LRRTM4: variants seen among roughly 807,000 people sequenced by gnomAD.
LRRTM4 encodes leucine rich repeat transmembrane neuronal 4.
A neutral mutation model predicts 47.6 loss-of-function variants in LRRTM4; 25 were observed. That is an observed-to-expected ratio of 0.53 (90% CI 0.38 to 0.73). The LOEUF (loss-of-function observed/expected upper bound fraction) is 0.73, where lower values mean the gene tolerates loss of function less well. LRRTM4 is among the 30% of genes least tolerant of loss of function. LRRTM4 has a pLI of 0.00. For missense variants in LRRTM4, 638 were observed against 713.4 expected, an observed-to-expected ratio of 0.89 and a Z score of 1.20; for synonymous variants, 311 against 269.5, an observed-to-expected ratio of 1.15 and a Z score of -1.51.
chr2:76,907,891 T>TAC (rs1558730555), intron 3 of LRRTM4, among the ~76,000 whole-genome samples: 1 of 144,088 alleles, frequency 6.9e-6, no homozygotes, highest in African/African-American at 2.7e-5. Context: ...CAGATGGATT[T>TAC]ACAGCTGAAT....
intron 3 of LRRTM4, among the ~76,000 whole-genome samples, chr2:76,844,681 A>G (rs182985192): frequency 1.6e-4 from 25 of 152,294 alleles, no homozygotes; most frequent in African/African-American, 5.8e-4. Context: ...GCATGTGACC[A>G]TACTTTCTAT....
chr2:77,218,502 C>CTTTATTTA lies in LRRTM4; in HGVS notation c.1551+299808_1551+299815dup, dbSNP rs10607132. 2.3e-3 allele frequency among the ~76,000 whole-genome samples: 343 copies of CTTTATTTA among 146,124 alleles called. 1 individual carries two copies. Among genetic ancestry groups the CTTTATTTA allele is most frequent in the Middle Eastern group, 0.01 (3 of 288 alleles). On this transcript the variant is annotated intron_variant, in intron 3 of 3. Coordinates refer to ENST00000409884, the MANE Select transcript of LRRTM4 (RefSeq NM_001134745.3). The stretch of plus-strand genomic sequence containing the variant: ...CCATATACTTCCACTCCATGTTCTG[C>CTTTATTTA]TTTATTTATTTATTTATTTATTTAT...
intron 3 of LRRTM4, among the ~76,000 whole-genome samples, chr2:76,859,005 G>T (rs953525750): frequency 6.6e-6 from 1 of 152,118 alleles, no homozygotes; most frequent in Admixed American, 6.6e-5. Flanking sequence ...CAGGGGAAAG[G>T]CTACACTGTG....
intron 3 of LRRTM4, among the ~76,000 whole-genome samples, chr2:77,025,135 G>C (rs967182211): frequency 6.6e-6 from 1 of 152,042 alleles, no homozygotes; most frequent in Middle Eastern, 3.2e-3. Context: ...AACATAATAG[G>C]ATCCGTAATA....
chr2:77,502,144 C>T (rs919227389), intron 3 of LRRTM4, among the ~76,000 whole-genome samples: 14 of 151,130 alleles, frequency 9.3e-5, no homozygotes, highest in Middle Eastern at 3.4e-3. Flanking sequence ...TATGTGTAGA[C>T]GAATGCTTAC....
rs543930068 is a variant in LRRTM4, at chr2:76,758,216, A to G, written c.1552-9300T>C. ...ATATATTCACTTCGTGACCCTCCCA[A>G]TGCCTCCAATCTGACAGTACAGTGG... On this transcript the variant is annotated intron_variant, in intron 3 of 3. Coordinates refer to ENST00000409884, the MANE Select transcript of LRRTM4 (RefSeq NM_001134745.3). 4.3e-4 allele frequency among the ~76,000 whole-genome samples: 65 copies of G among 152,260 alleles called. 1 individual carries two copies. Among genetic ancestry groups the G allele is most frequent in the African/African-American group, 1.3e-3 (52 of 41,560 alleles).
chr2:76,993,713 A>G (rs1417427434), intron 3 of LRRTM4, among the ~76,000 whole-genome samples: 1 of 151,940 alleles, frequency 6.6e-6, no homozygotes, highest in Non-Finnish European at 1.5e-5. Context: ...TCAAAGAAGT[A>G]AAAATAGAAC....
intron 3 of LRRTM4, among the ~76,000 whole-genome samples, chr2:76,909,867 A>G (rs888146035): frequency 4.6e-5 from 7 of 152,162 alleles, no homozygotes; most frequent in East Asian, 1.9e-4. Context: ...AGAGGATGTG[A>G]AGAAATAGGA....
chr2:77,332,636 A>G (rs527555429), intron 3 of LRRTM4, among the ~76,000 whole-genome samples: 40 of 152,304 alleles, frequency 2.6e-4, no homozygotes, highest in African/African-American at 9.4e-4. Flanking sequence ...TTATAGCCCC[A>G]AATATATTAT....
chr2:77,438,529 C>G (rs1461965187), intron 3 of LRRTM4, among the ~76,000 whole-genome samples: 1 of 151,120 alleles, frequency 6.6e-6, no homozygotes, highest in Non-Finnish European at 1.5e-5. Context: ...TCCTCAGCCT[C>G]CCGAATAGCT....
At chr2:76,955,244 A>C (rs750510443) in intron 3 of LRRTM4, among the ~76,000 whole-genome samples, 3 of 151,860 alleles carry the variant, frequency 2.0e-5, no homozygotes, top group Non-Finnish European at 4.4e-5. Context: ...AGTTAACAAA[A>C]AAGTATAAAA....
chr2:76,978,512 A>G (rs1390528649), intron 3 of LRRTM4, among the ~76,000 whole-genome samples: 1 of 152,048 alleles, frequency 6.6e-6, no homozygotes, highest in Non-Finnish European at 1.5e-5. Flanking sequence ...GCTTAAGGCT[A>G]TTGCATTTTA....
intron 3 of LRRTM4, among the ~76,000 whole-genome samples, chr2:77,037,163 T>C (rs1467398424): frequency 6.6e-6 from 1 of 151,784 alleles, no homozygotes; most frequent in East Asian, 1.9e-4. Flanking sequence ...GAAGTATAAA[T>C]GCACTAATAT....
intron 3 of LRRTM4, among the ~76,000 whole-genome samples, chr2:77,198,599 C>T (rs1673891235): frequency 6.6e-6 from 1 of 152,098 alleles, no homozygotes; most frequent in African/African-American, 2.4e-5. Context: ...GTTTAGAGAG[C>T]ATGAAAAACC....
intron 3 of LRRTM4, among the ~76,000 whole-genome samples, chr2:76,994,708 T>C (rs1345700557): frequency 2.6e-5 from 4 of 152,038 alleles, no homozygotes; most frequent in Non-Finnish European, 5.9e-5. Flanking sequence ...AATTTGTGAT[T>C]GATACACTGA....
chr2:77,183,747 A>G (rs925312620), intron 3 of LRRTM4, among the ~76,000 whole-genome samples: 1 of 152,212 alleles, frequency 6.6e-6, no homozygotes, highest in Non-Finnish European at 1.5e-5. Context: ...AATACTATGC[A>G]GCCATAAAAA....
At chr2:77,243,897 T>G (rs1308168491) in intron 3 of LRRTM4, among the ~76,000 whole-genome samples, 1 of 138,674 alleles carries the variant, frequency 7.2e-6, no homozygotes, top group Non-Finnish European at 1.5e-5. Flanking sequence ...CTTAGGTATA[T>G]CTCCCAATGC....
chr2:76,909,693 CAG>C (rs1673979390), intron 3 of LRRTM4, among the ~76,000 whole-genome samples: 1 of 152,110 alleles, frequency 6.6e-6, no homozygotes, highest in African/African-American at 2.4e-5. Context: ...AGGACATGAA[CAG>C]ACACTTCTCA....
chr2:77,238,931 G>T (rs1195082362), intron 3 of LRRTM4, among the ~76,000 whole-genome samples: 1 of 151,722 alleles, frequency 6.6e-6, no homozygotes, highest in East Asian at 1.9e-4. Flanking sequence ...ACTTATATCT[G>T]CACTGTAAGA....
Sources: gnomAD v4.1 joint callset for allele counts (sites outside exome capture counted in the v4.1 genomes callset) on GRCh38, gnomAD v4.1.1 for gene constraint, MANE v1.5 for transcripts, NCBI Gene and HGNC (gene_info 2026-07-23, HGNC 2026-07-21) for gene names.